Variants in SASH1 observed in about 807,000 individuals in gnomAD.
SASH1 encodes the protein SAM and SH3 domain-containing protein 1.
In SASH1, 44 loss-of-function variants were observed where a neutral mutation model predicts 125.2. The observed-to-expected ratio is 0.35, with a 90% confidence interval of 0.28 to 0.45. The LOEUF (loss-of-function observed/expected upper bound fraction) is 0.45, where lower values mean the gene tolerates loss of function less well. Ranked by LOEUF, SASH1 falls within the 20% of genes least tolerant of loss-of-function variation. The pLI is 1.00. For missense variants in SASH1, 1,426 were observed against 1,614.5 expected (o/e 0.88, Z 2.00); for synonymous variants, 639 against 649.1 (o/e 0.98, Z 0.24).
At chr6:148,434,202 G>A (rs1039198276) in intron 2 of SASH1, among the ~76,000 whole-genome samples, 15 of 149,230 alleles carry the variant, frequency 1.0e-4, no homozygotes, top group Middle Eastern at 3.5e-3. Flanking sequence ...TCAGCCTCCC[G>A]AGTAGCTGGG....
chr6:148,312,832 AGAG>A (rs1780368693), intron 1 of SASH1, among the ~76,000 whole-genome samples: 1 of 152,100 alleles, frequency 6.6e-6, no homozygotes, highest in African/African-American at 2.4e-5. Context: ...AGGGATAAGA[AGAG>A]GAGGAGAAGG....
chr6:148,521,564 T>A (rs1417960087), intron 10 of SASH1, among the ~76,000 whole-genome samples: 1 of 152,228 alleles, frequency 6.6e-6, no homozygotes. Context: ...CCTTTCATAT[T>A]CATGTAATTC....
intron 2 of SASH1, among the ~76,000 whole-genome samples, chr6:148,404,336 T>C (rs1025595448): frequency 6.6e-6 from 1 of 152,204 alleles, no homozygotes; most frequent in Non-Finnish European, 1.5e-5. Context: ...TGAAAGTGTA[T>C]TTGATAAGAC....
At chr6:148,514,692 A>G (rs765503008) in intron 9 of SASH1, among the ~76,000 whole-genome samples, 3 of 96,902 alleles carry the variant, frequency 3.1e-5, no homozygotes, top group Non-Finnish European at 8.2e-5. Context: ...AGTCATTTCA[A>G]TTTAAAAGAT....
intron 1 of SASH1, among the ~76,000 whole-genome samples, chr6:148,387,622 T>TCTC (rs1562371228): frequency 8.9e-5 from 3 of 33,722 alleles, no homozygotes; most frequent in Admixed American, 4.2e-4. Context: ...CTTTCTTTCT[T>TCTC]TCTTTCTTTC....
chr6:148,551,202 G>A lies in SASH1; in HGVS notation c.*2644G>A, dbSNP rs1188763676. The A allele has an allele frequency of 6.6e-6, 1 of 152,344 alleles. No individual in the cohort carries two copies. The highest frequency in any genetic ancestry group is 2.4e-5 in the African/African-American group (1 of 41,312). 9.4% of individuals were successfully genotyped at this position (152,344 alleles called of 1,614,324 possible). A position where few individuals can be genotyped will look rare whatever the true frequency, so the allele number is the denominator to read the frequency against. ...TTGGTCTGAGAAAAGCTGAATGTTTGGGTGTGACGTTTGACTGAGGTGGAT... is the reference window on the plus strand; with the variant it reads ...TTGGTCTGAGAAAAGCTGAATGTTTAGGTGTGACGTTTGACTGAGGTGGAT... On this transcript the variant is annotated 3_prime_UTR_variant, in exon 20 of 20. Transcript: ENST00000367467.
At chr6:148,287,662 GTA>G (rs1779516111) in intron 1 of SASH1, among the ~76,000 whole-genome samples, 1 of 150,048 alleles carries the variant, frequency 6.7e-6, no homozygotes, top group African/African-American at 2.5e-5. Context: ...GTATGTGTGT[GTA>G]CATGCCTGTA....
chr6:148,222,302 A>G, the SASH1 span, among the ~76,000 whole-genome samples: 2 of 152,214 alleles, frequency 1.3e-5, no homozygotes, highest in African/African-American at 4.8e-5. Context: ...AATATTTCAC[A>G]CATTTTCCTT....
At chr6:148,242,856 T>G in the SASH1 span, among the ~76,000 whole-genome samples, 1 of 152,338 alleles carries the variant, frequency 6.6e-6, no homozygotes, top group South Asian at 2.1e-4. Flanking sequence ...CATTTCTTCC[T>G]TAAGGACCAT....
At chr6:148,281,750 G>A (rs372455525) in intron 1 of SASH1, among the ~76,000 whole-genome samples, 7 of 152,108 alleles carry the variant, frequency 4.6e-5, no homozygotes, top group Admixed American at 1.3e-4. Context: ...GTGAAACACC[G>A]TCTCTACTAA....
At chr6:148,333,985 G>T (rs899802825) in intron 1 of SASH1, among the ~76,000 whole-genome samples, 3 of 151,634 alleles carry the variant, frequency 2.0e-5, no homozygotes, top group African/African-American at 4.8e-5. Context: ...ACCACGACTG[G>T]CTAATTTTTT....
intron 1 of SASH1, among the ~76,000 whole-genome samples, chr6:148,368,760 GCACGCGCGCGCACA>G (rs1782578656): frequency 6.7e-5 from 1 of 14,930 alleles, no homozygotes; most frequent in Admixed American, 1.1e-3. Flanking sequence ...ACATGCGCGC[GCACGCGCGCGCACA>G]CACACACACA....
At chr6:148,353,435 ATTTTT>A (rs377513066) in intron 1 of SASH1, among the ~76,000 whole-genome samples, 1 of 108,800 alleles carries the variant, frequency 9.2e-6, no homozygotes. Context: ...TTTAAGATTG[ATTTTT>A]TTTTTTTTTT....
intron 5 of SASH1, among the ~76,000 whole-genome samples, chr6:148,471,204 G>A (rs962611185): frequency 2.0e-5 from 3 of 151,500 alleles, no homozygotes; most frequent in African/African-American, 7.3e-5. Flanking sequence ...TCACTGCACC[G>A]TTTCTTGCTA....
intron 2 of SASH1, among the ~76,000 whole-genome samples, chr6:148,435,261 C>T (rs541339119): frequency 2.7e-4 from 41 of 151,642 alleles, no homozygotes; most frequent in African/African-American, 9.0e-4. Context: ...ACCTGTAATC[C>T]CAGCTGCTTG....
At chr6:148,202,882 A>G in the SASH1 span, among the ~76,000 whole-genome samples, 7 of 152,260 alleles carry the variant, frequency 4.6e-5, 1 homozygote, top group South Asian at 1.5e-3. Context: ...TGAACCCGGT[A>G]GGCAGAGGTT....
chr6:148,300,252 T>TGTCC (rs1779901885), intron 1 of SASH1, among the ~76,000 whole-genome samples: 1 of 152,220 alleles, frequency 6.6e-6, no homozygotes, highest in East Asian at 1.9e-4. Context: ...TAGCCTCTAT[T>TGTCC]GTCAGCCTTG....
rs139704340 is a variant in SASH1, at chr6:148,544,919, G to A, written c.3348+101G>A. 218 of 1,193,166 alleles carry A rather than the reference G, an allele frequency of 1.8e-4. No homozygotes were observed. In the East Asian group the frequency reaches 2.0e-3, roughly 11 times the overall value. 73.9% of individuals were successfully genotyped at this position (1,193,166 alleles called of 1,614,324 possible). A position where few individuals can be genotyped will look rare whatever the true frequency, so the allele number is the denominator to read the frequency against. The stretch of plus-strand genomic sequence containing the variant: ...ACATCTGAAGCCAGCCCGGTAGCCC[G>A]CCCAGTGGACAGGAGACACCTGAAT... On this transcript the variant is annotated intron_variant, in intron 18 of 19. Transcript: ENST00000367467. This position sits in a 1 kb window ranked among gnomAD's most constrained non-coding sequence, Gnocchi z 6.4.
chr6:148,356,808 C>T (rs1781964646), intron 1 of SASH1, among the ~76,000 whole-genome samples: 1 of 152,202 alleles, frequency 6.6e-6, no homozygotes, highest in Non-Finnish European at 1.5e-5. Flanking sequence ...TACATTCCCA[C>T]CAGCAGTGTA....
Sources: allele counts gnomAD v4.1 joint callset (sites outside exome capture counted in the v4.1 genomes callset), GRCh38; gene constraint gnomAD v4.1.1; non-coding constraint Gnocchi (gnomAD v3.1); transcripts MANE v1.5; gene names NCBI Gene and HGNC (gene_info 2026-07-23, HGNC 2026-07-21).